SOX6: variants seen among roughly 807,000 people sequenced by gnomAD.
SOX6 encodes SRY-box transcription factor 6, also known as transcription factor SOX-6.
A neutral mutation model predicts 97.8 loss-of-function variants in SOX6; 11 were observed. The observed-to-expected ratio is 0.11, with a 90% CI of 0.07 to 0.19. The LOEUF (loss-of-function observed/expected upper bound fraction) is 0.19. Among genes scored for constraint, SOX6 ranks in the 10% least tolerant of loss-of-function variants. SOX6 has a pLI of 1.00. For synonymous variants in SOX6, 360 were observed against 371.4 expected (o/e 0.97, Z 0.35); for missense variants, 810 against 1,039.5 (o/e 0.78, Z 3.04).
chr11:16,412,601 C>G (rs984607914), intron 1 of SOX6, among the ~76,000 whole-genome samples: 7 of 152,062 alleles, frequency 4.6e-5, no homozygotes, highest in Non-Finnish European at 1.0e-4. Context: ...CTATGAGACC[C>G]CCATCTCTAA....
chr11:16,494,523 AAAAC>A (rs749286205), intron 4 of SOX6, among the ~76,000 whole-genome samples: 10 of 152,336 alleles, frequency 6.6e-5, no homozygotes, highest in South Asian at 2.1e-4. Flanking sequence ...GTGTTAAGGA[AAAAC>A]AAACAAAGAG....
chr11:16,040,535 T>TA (rs1418747003), intron 12 of SOX6, among the ~76,000 whole-genome samples: 1 of 152,046 alleles, frequency 6.6e-6, no homozygotes, highest in Non-Finnish European at 1.5e-5. Context: ...TATGTTCTTT[T>TA]AAAAAAACAC....
At chr11:16,230,086 A>T (rs1852804287) in intron 4 of SOX6, among the ~76,000 whole-genome samples, 1 of 151,920 alleles carries the variant, frequency 6.6e-6, no homozygotes, top group Non-Finnish European at 1.5e-5. Flanking sequence ...TTGAAAAACA[A>T]AACCTAATAA....
chr11:16,544,919 A>T (rs1034089395), intron 4 of SOX6, among the ~76,000 whole-genome samples: 4 of 152,102 alleles, frequency 2.6e-5, no homozygotes, highest in African/African-American at 9.7e-5. Flanking sequence ...ATATAAAAGG[A>T]TACAGTTAAA....
chr11:15,990,901 T>C (rs1170982906), intron 13 of SOX6, among the ~76,000 whole-genome samples: 5 of 152,226 alleles, frequency 3.3e-5, no homozygotes. Context: ...TTCCTCTCTA[T>C]TTTTAGATAC....
Position 16,381,240 on chromosome 11 carries a change from A to G in SOX6, c.-4-39988T>C, listed in dbSNP as rs768353152. ...TCCTTGATAGTGAAGAATTTCTGCA[A>G]TAGGGTATCAAGGCTCAGGAAAACT... On this transcript the variant is annotated intron_variant, in intron 1 of 15. Transcript: ENST00000396356. 2.5e-4 allele frequency among the ~76,000 whole-genome samples: 38 copies of G among 152,044 alleles called. 1 individual carries two copies. The highest frequency in any genetic ancestry group is 2.6e-4 in the Non-Finnish European group (18 of 67,928).
intron 6 of SOX6, among the ~76,000 whole-genome samples, chr11:16,170,210 T>C (rs1850998233): frequency 6.6e-6 from 1 of 152,060 alleles, no homozygotes. Flanking sequence ...TCCCAGAGGC[T>C]GCTACTCATT....
In SOX6 at chr11:16,610,446, C is replaced by G. The variant is rs1848383149; in HGVS notation, n.609+1635G>C. ...TTCTGGTGGGCAAGACTGACCCTGC[C>G]GACCAGATGCAGGCCGCTAGCGGGA... On this transcript the variant is annotated intron_variant and non_coding_transcript_variant, in intron 4 of 5. Coordinates refer to the SOX6 transcript ENST00000524520. This position sits in a 1 kb window ranked among gnomAD's most constrained non-coding sequence, Gnocchi z 4.4. Among the ~76,000 whole-genome samples the G allele has an allele frequency of 6.6e-6, 1 of 152,080 alleles. No individual in the cohort carries two copies. The highest frequency in any genetic ancestry group is 6.5e-5 in the Admixed American group (1 of 15,280).
At chr11:16,655,029 C>T (rs946191874) in intron 3 of SOX6, among the ~76,000 whole-genome samples, 2 of 152,122 alleles carry the variant, frequency 1.3e-5, no homozygotes, top group Non-Finnish European at 2.9e-5. Flanking sequence ...TGGGGATGGG[C>T]AGGAAGAGCA....
At chr11:16,570,080 T>C (rs929325427) in intron 4 of SOX6, among the ~76,000 whole-genome samples, 1 of 152,076 alleles carries the variant, frequency 6.6e-6, no homozygotes, top group Admixed American at 6.6e-5. Flanking sequence ...CTAAATCCCA[T>C]AGTGCCTTAA....
chr11:16,579,327 G>T (rs567560750), intron 4 of SOX6, among the ~76,000 whole-genome samples: 3 of 151,624 alleles, frequency 2.0e-5, no homozygotes, highest in African/African-American at 7.3e-5. Context: ...CCTAAATTCA[G>T]TCCATCAAGG....
intron 4 of SOX6, among the ~76,000 whole-genome samples, chr11:16,520,494 C>T (rs59959423): frequency 5.9e-5 from 9 of 152,126 alleles, no homozygotes; most frequent in Non-Finnish European, 8.8e-5. Context: ...AACCTTGGGC[C>T]GAGCCAAGAT....
intron 4 of SOX6, among the ~76,000 whole-genome samples, chr11:16,528,762 C>T (rs916498464): frequency 1.3e-5 from 2 of 152,100 alleles, no homozygotes; most frequent in African/African-American, 4.8e-5. Context: ...ATTGATAGCA[C>T]TTCTCTGGGC....
chr11:16,234,519 C>G (rs1419483252), intron 4 of SOX6, 63 bp downstream of exon 4: 1 of 956,470 alleles, frequency 1.0e-6, no homozygotes, highest in African/African-American at 1.6e-5. Flanking sequence ...TCAGCAAATA[C>G]ATTGTTATAC....
intron 4 of SOX6, among the ~76,000 whole-genome samples, chr11:16,194,233 A>G (rs1293301382): frequency 1.3e-5 from 2 of 152,200 alleles, no homozygotes; most frequent in African/African-American, 4.8e-5. Flanking sequence ...TCATAAAGAT[A>G]AAGGATTTCA....
At chr11:16,459,317 C>A (rs765497760) in intron 1 of SOX6, among the ~76,000 whole-genome samples, 1 of 151,994 alleles carries the variant, frequency 6.6e-6, no homozygotes, top group African/African-American at 2.4e-5. Flanking sequence ...AAGAATCAAA[C>A]TATTTCCACT....
chr11:16,683,566 C>A (rs756767050), intron 3 of SOX6, among the ~76,000 whole-genome samples: 1 of 152,124 alleles, frequency 6.6e-6, no homozygotes, highest in Non-Finnish European at 1.5e-5. Context: ...CTTCCTTGCA[C>A]CTTATACAAA....
intron 9 of SOX6, among the ~76,000 whole-genome samples, chr11:16,063,120 A>G (rs1215042141): frequency 6.6e-6 from 1 of 151,708 alleles, no homozygotes; most frequent in Non-Finnish European, 1.5e-5. Context: ...TTGAATTAAG[A>G]AAGTCCTGTG....
intron 3 of SOX6, among the ~76,000 whole-genome samples, chr11:16,694,155 A>G (rs879411170): frequency 6.6e-6 from 1 of 152,232 alleles, no homozygotes; most frequent in Non-Finnish European, 1.5e-5. Context: ...GTCAAACTTA[A>G]GAAACAAGGA....
Sources: allele counts gnomAD v4.1 joint callset (sites outside exome capture counted in the v4.1 genomes callset), GRCh38; gene constraint gnomAD v4.1.1; non-coding constraint Gnocchi (gnomAD v3.1); transcripts MANE v1.5; gene names NCBI Gene and HGNC (gene_info 2026-07-23, HGNC 2026-07-21).